Variants in LRRN2 observed in about 807,000 individuals in gnomAD.
LRRN2 encodes the protein leucine-rich repeat neuronal protein 2.
LRRN2 carries 10 observed loss-of-function variants against 35.7 expected under a neutral mutation model. That is an observed-to-expected ratio of 0.28 (90% CI 0.17 to 0.47). LRRN2 has a LOEUF of 0.47. Ranked by LOEUF, LRRN2 falls within the 20% of genes least tolerant of loss-of-function variation. LRRN2 has a pLI of 0.99. For missense variants in LRRN2, 731 were observed against 940.3 expected (o/e 0.78, Z 2.91); for synonymous variants, 391 against 409.6 (o/e 0.95, Z 0.55).
intron 1 of LRRN2, chr1:204,664,156 T>TA (rs1668527826): frequency 6.6e-6 from 1 of 152,124 alleles, no homozygotes; most frequent in South Asian, 2.1e-4. Flanking sequence ...CTGCCTCAGT[T>TA]AAAAAATTAG....
At chr1:204,644,007 G>A (rs1035839900) in intron 1 of LRRN2, among the ~76,000 whole-genome samples, 7 of 152,096 alleles carry the variant, frequency 4.6e-5, no homozygotes, top group Admixed American at 2.0e-4. Context: ...GTGATATGCT[G>A]GCAGAGAATC....
intron 1 of LRRN2, among the ~76,000 whole-genome samples, chr1:204,666,747 G>A (rs1668580809): frequency 1.3e-5 from 2 of 152,114 alleles, no homozygotes; most frequent in South Asian, 2.1e-4. Context: ...GATCACTTTA[G>A]GTCAGGAATT....
At chr1:204,668,008 C>T (rs546409173) in intron 1 of LRRN2, among the ~76,000 whole-genome samples, 2 of 152,304 alleles carry the variant, frequency 1.3e-5, no homozygotes, top group East Asian at 3.9e-4. Context: ...ATCCTCGTTC[C>T]TCACTCTGTG....
intron 1 of LRRN2, among the ~76,000 whole-genome samples, chr1:204,669,335 C>T (rs1325417726): frequency 3.9e-5 from 6 of 152,114 alleles, no homozygotes; most frequent in Admixed American, 1.3e-4. Flanking sequence ...TTCATGGATC[C>T]TTTTTGTATT....
chr1:204,653,202 AC>A (rs2102611262), intron 1 of LRRN2, among the ~76,000 whole-genome samples: 1 of 152,356 alleles, frequency 6.6e-6, no homozygotes, highest in East Asian at 1.9e-4. Context: ...ATAAGGGCAC[AC>A]ACTGAACTCT....
rs373493063 is a variant in LRRN2 at position 204,634,135 on chromosome 1, A to ATTT, written c.-226-13920_-226-13918dup. ...AACTAATTAAGAGCAAGCCTTAATG[A>ATTT]TTTTTACTGTCTGGGAATAAAAAAG... On this transcript the variant is annotated intron_variant, in intron 1 of 1. Transcript: ENST00000367177. 1.3e-3 allele frequency among the ~76,000 whole-genome samples: 198 copies of ATTT among 152,370 alleles called. 2 individuals carry two copies. The highest frequency in any genetic ancestry group is 4.5e-3 in the African/African-American group (186 of 41,592).
rs1558393618 is a variant in LRRN2 at position 204,619,384 on chromosome 1, G to A, written c.609C>T (p.Ala203=). ...GGGGCCGGAAGTTCATGTCCAGGAT[G>A]GCATCTACCTTGTTGCCGCCAATCA... ...ILMIGGNKVD[A]ILDMNFRPLA... is the part of the protein sequence containing the mutation. Residue 203 remains alanine, a synonymous_variant, in exon 2 of 2, where the codon GCC becomes GCT. Coordinates refer to ENST00000367177, the MANE Select transcript of LRRN2 (RefSeq NM_201630.2). 2 of 1,614,252 alleles carry A rather than the reference G, an allele frequency of 1.2e-6. No individual in the cohort carries two copies. Among genetic ancestry groups the A allele is most frequent in the Non-Finnish European group, 1.7e-6 (2 of 1,180,054 alleles).
chr1:204,624,745 T>C (rs1168484779), intron 1 of LRRN2, among the ~76,000 whole-genome samples: 4 of 116,870 alleles, frequency 3.4e-5, no homozygotes, highest in Admixed American at 2.2e-4. Flanking sequence ...TCCCTGGCGG[T>C]TCCCCCCCCA....
chr1:204,653,384 C>T (rs1668275213), intron 1 of LRRN2, among the ~76,000 whole-genome samples: 1 of 152,212 alleles, frequency 6.6e-6, no homozygotes, highest in African/African-American at 2.4e-5. Context: ...TCAATTTCTT[C>T]ACACCTCTCT....
At chr1:204,638,372 C>CAGATGTGA (rs1275084377) in intron 1 of LRRN2, among the ~76,000 whole-genome samples, 7 of 138,384 alleles carry the variant, frequency 5.1e-5, no homozygotes, top group Admixed American at 1.5e-4. Context: ...CTGAGGCTTA[C>CAGATGTGA]AGATGTGAAG....
In LRRN2 at chr1:204,657,627, C is replaced by T. The variant is rs114456959; in HGVS notation, c.-227+27693G>A. ...TGATGGGTATGGAGTTTTTTGGGGGCGATAATGAGAATGTTTTAGAATTAG... is the reference window on the plus strand; with the variant it reads ...TGATGGGTATGGAGTTTTTTGGGGGTGATAATGAGAATGTTTTAGAATTAG... On this transcript the variant is annotated intron_variant, in intron 1 of 1. Coordinates refer to ENST00000367177, the MANE Select transcript of LRRN2 (RefSeq NM_201630.2). Among the ~76,000 whole-genome samples, 939 of 151,732 alleles carry T rather than the reference C, an allele frequency of 6.2e-3. 13 individuals are homozygous for T. The highest frequency in any genetic ancestry group is 0.021 in the African/African-American group (884 of 41,338).
At chr1:204,635,985 A>G (rs1486176472) in intron 1 of LRRN2, among the ~76,000 whole-genome samples, 1 of 152,220 alleles carries the variant, frequency 6.6e-6, no homozygotes, top group Non-Finnish European at 1.5e-5. Flanking sequence ...TCACAATGCC[A>G]TCGTGAGATT....
At chr1:204,673,321 C>G (rs538775636) in intron 1 of LRRN2, among the ~76,000 whole-genome samples, 307 of 152,288 alleles carry the variant, frequency 2.0e-3, no homozygotes, top group African/African-American at 7.1e-3. Context: ...TAAAAGATGA[C>G]TTTTTAAGTT....
At chr1:204,657,257 A>G (rs189637824) in intron 1 of LRRN2, among the ~76,000 whole-genome samples, 91 of 152,038 alleles carry the variant, frequency 6.0e-4, no homozygotes, top group African/African-American at 1.9e-3. Flanking sequence ...GTGAGCCAAG[A>G]TCACCCCATT....
chr1:204,646,906 T>C (rs2102605739), intron 1 of LRRN2, among the ~76,000 whole-genome samples: 1 of 152,316 alleles, frequency 6.6e-6, no homozygotes, highest in Non-Finnish European at 1.5e-5. Flanking sequence ...TCAAGGACAC[T>C]TGGCAGGTGA....
chr1:204,684,132 A>G (rs1469440973), intron 1 of LRRN2, among the ~76,000 whole-genome samples: 1 of 152,068 alleles, frequency 6.6e-6, no homozygotes, highest in African/African-American at 2.4e-5. Flanking sequence ...GTGCATGGGG[A>G]GACCTACATC....
rs569873359 is a variant in LRRN2 at position 204,645,962 on chromosome 1, A to G, written c.-226-25744T>C. ...CAAGGTGATATTTGGGTGGGGAGAG[A>G]GAGCCAAACCATATCACTATGTTAG... is the stretch of plus-strand genomic sequence containing the variant. On this transcript the variant is annotated intron_variant, in intron 1 of 1. Transcript: ENST00000367177. 2.6e-5 allele frequency among the ~76,000 whole-genome samples: 4 copies of G among 152,284 alleles called. No individual in the cohort carries two copies. The South Asian group carries it at 8.3e-4, about 32-fold the overall frequency.
At chr1:204,678,702 C>T (rs1023607136) in intron 1 of LRRN2, among the ~76,000 whole-genome samples, 3 of 152,148 alleles carry the variant, frequency 2.0e-5, no homozygotes, top group Non-Finnish European at 4.4e-5. Context: ...CTCTGCCCAG[C>T]TTGCCCCGAC....
intron 1 of LRRN2, among the ~76,000 whole-genome samples, chr1:204,660,007 C>T (rs930122699): frequency 1.3e-5 from 2 of 152,208 alleles, no homozygotes; most frequent in African/African-American, 2.4e-5. Context: ...GATTGGTGAA[C>T]TCCCTGCCAG....
Sources: gnomAD v4.1 joint callset for allele counts (sites outside exome capture counted in the v4.1 genomes callset) on GRCh38, gnomAD v4.1.1 for gene constraint, MANE v1.5 for transcripts, NCBI Gene and HGNC (gene_info 2026-07-23, HGNC 2026-07-21) for gene names.